The following DGKB variants were observed in gnomAD, a reference collection of about 807,000 sequenced individuals.
The protein encoded by DGKB is 90 kDa diacylglycerol kinase.
Under a neutral mutation model 114.3 loss-of-function variants are expected in DGKB, and 67 were observed. The observed-to-expected ratio is 0.59, with a 90% CI of 0.48 to 0.72. The LOEUF (loss-of-function observed/expected upper bound fraction) is 0.72, where lower values mean the gene tolerates loss of function less well. Among genes scored for constraint, DGKB ranks in the 30% least tolerant of loss-of-function variants. The pLI, the probability that DGKB is intolerant of heterozygous loss-of-function variation, is 0.00. For synonymous variants in DGKB, 398 were observed against 323.1 expected, an observed-to-expected ratio of 1.23 and a Z score of -2.49; for missense variants, 907 against 975.2, an observed-to-expected ratio of 0.93 and a Z score of 0.93.
chr7:14,869,007 T>C (rs1164465257), intron 1 of DGKB, among the ~76,000 whole-genome samples: 1 of 152,162 alleles, frequency 6.6e-6, no homozygotes, highest in African/African-American at 2.4e-5. Flanking sequence ...GAGGTAAAGA[T>C]AGAACATTTT....
Position 14,561,105 on chromosome 7 carries a change from T to C in DGKB, c.1770+13107A>G, listed in dbSNP as rs1366654516. The stretch of plus-strand genomic sequence containing the variant: ...AATTTTAATAATCCCCACATGTCAT[T>C]GGAGGGACCCAGTGGAAGGTAACTG... On this transcript the variant is annotated intron_variant, in intron 20 of 25. Transcript: ENST00000402815. Among the ~76,000 whole-genome samples, 3 of 152,150 alleles carry C rather than the reference T, an allele frequency of 2.0e-5. No homozygotes were observed. The South Asian group carries it at 6.2e-4, about 31-fold the overall frequency.
At chr7:14,643,572 T>C (rs1812268097) in intron 13 of DGKB, among the ~76,000 whole-genome samples, 1 of 152,110 alleles carries the variant, frequency 6.6e-6, no homozygotes, top group Non-Finnish European at 1.5e-5. Context: ...GGTACAACTG[T>C]GTTCCCAGCA....
chr7:14,649,930 C>T (rs2128895536), intron 13 of DGKB, among the ~76,000 whole-genome samples: 1 of 144,358 alleles, frequency 6.9e-6, no homozygotes, highest in East Asian at 2.0e-4. Context: ...GGGATCAATT[C>T]AACTAGAAGA....
At chr7:14,904,259 T>G (rs1783538589), upstream of DGKB, among the ~76,000 whole-genome samples, 1 of 152,046 alleles carries the variant, frequency 6.6e-6, no homozygotes, top group African/African-American at 2.4e-5. Context: ...GAATAGTACT[T>G]TTAATCCACT....
chr7:14,574,036 C>T (rs995735601), intron 20 of DGKB, among the ~76,000 whole-genome samples, 176 bp downstream of exon 20: 8 of 151,622 alleles, frequency 5.3e-5, no homozygotes, highest in Non-Finnish European at 1.0e-4. Flanking sequence ...AATTGGTAAG[C>T]GATGATAATA....
At chr7:14,710,937 T>C (rs1328113655) in intron 6 of DGKB, among the ~76,000 whole-genome samples, 1 of 152,066 alleles carries the variant, frequency 6.6e-6, no homozygotes, top group Non-Finnish European at 1.5e-5. Context: ...GCTTGTTATC[T>C]GGAAAAATAT....
chr7:14,743,475 C>T (rs1349285767), intron 4 of DGKB, among the ~76,000 whole-genome samples: 1 of 152,138 alleles, frequency 6.6e-6, no homozygotes, highest in Non-Finnish European at 1.5e-5. Flanking sequence ...TAACAGGCTT[C>T]CCCAAATCAA....
intron 2 of DGKB, among the ~76,000 whole-genome samples, chr7:14,807,453 T>C (rs1005477968): frequency 4.0e-4 from 61 of 152,126 alleles, no homozygotes; most frequent in African/African-American, 1.3e-3. Flanking sequence ...CAGCTCAATA[T>C]ATTAAGTTGG....
chr7:14,781,055 C>T (rs746180047), intron 2 of DGKB, among the ~76,000 whole-genome samples: 2 of 152,144 alleles, frequency 1.3e-5, no homozygotes, highest in African/African-American at 2.4e-5. Flanking sequence ...CTTGATTAAA[C>T]ATTCCAACTT....
chr7:14,793,148 T>C (rs1298384248), intron 2 of DGKB, among the ~76,000 whole-genome samples: 1 of 152,130 alleles, frequency 6.6e-6, no homozygotes, highest in Non-Finnish European at 1.5e-5. Flanking sequence ...CTTAGAATGC[T>C]TAATGGGTTT....
intron 1 of DGKB, among the ~76,000 whole-genome samples, chr7:14,902,163 A>G (rs577964796): frequency 6.6e-6 from 1 of 152,194 alleles, no homozygotes; most frequent in South Asian, 2.1e-4. Context: ...TTGCTTGTTT[A>G]GTTCACAGAT....
intron 23 of DGKB, among the ~76,000 whole-genome samples, chr7:14,319,555 C>A (rs936260093): frequency 1.3e-5 from 2 of 152,004 alleles, no homozygotes; most frequent in African/African-American, 4.8e-5. Context: ...CTCACATAAG[C>A]AAAAGTTCTT....
intron 1 of DGKB, among the ~76,000 whole-genome samples, chr7:14,853,851 G>A (rs1849730994): frequency 2.6e-5 from 3 of 116,828 alleles, no homozygotes; most frequent in Admixed American, 1.3e-4. Context: ...CTGGGCGACA[G>A]ACCGAGACTC....
At chr7:14,393,003 T>TTTGTTTTTTTTTTTTTTTTTC (rs1821623916) in intron 21 of DGKB, among the ~76,000 whole-genome samples, 1 of 83,824 alleles carries the variant, frequency 1.2e-5, no homozygotes. Flanking sequence ...TTGTTTTTTT[T>TTTGTTTTTTTTTTTTTTTTTC]TTTTTGAGAC....
At chr7:14,670,385 C>A (rs1462276275) in intron 13 of DGKB, among the ~76,000 whole-genome samples, 1 of 151,792 alleles carries the variant, frequency 6.6e-6, no homozygotes, top group African/African-American at 2.4e-5. Context: ...TCACTGCAAC[C>A]TCCGCCTCCA....
chr7:14,162,152 T>C (rs1028113367), intron 25 of DGKB, among the ~76,000 whole-genome samples: 8 of 152,160 alleles, frequency 5.3e-5, no homozygotes, highest in Non-Finnish European at 8.8e-5. Flanking sequence ...AGAAAATTAA[T>C]AGTTAGAAAA....
At chr7:14,233,017 AC>A (rs1792154083) in intron 23 of DGKB, among the ~76,000 whole-genome samples, 4 of 152,206 alleles carry the variant, frequency 2.6e-5, no homozygotes, top group Middle Eastern at 3.4e-3. Flanking sequence ...TGTTTTTGCT[AC>A]ACAAAGACTA....
Position 14,698,170 on chromosome 7 carries a change from C to G in DGKB, c.517-1G>C. 6.6e-7 allele frequency: 1 copy of G among 1,511,086 alleles called. No homozygotes were observed. Among genetic ancestry groups the G allele is most frequent in the Non-Finnish European group, 8.9e-7 (1 of 1,127,828 alleles). 93.6% of individuals were successfully genotyped at this position (1,511,086 alleles called of 1,614,324 possible). ...TCTGACTGATGATATTTTCTAGCTC[C>G]TGGAAGAGAAAGAGAGATAAAAAAT... On this transcript the variant is annotated splice_acceptor_variant, in intron 7 of 25. Transcript: ENST00000402815. LOFTEE classifies it high-confidence loss of function.
intron 25 of DGKB, among the ~76,000 whole-genome samples, chr7:14,150,055 G>A (rs546779128): frequency 6.6e-6 from 1 of 152,172 alleles, no homozygotes; most frequent in East Asian, 1.9e-4. Context: ...AATTATCAAA[G>A]TGGCATTTTG....
Sources: gnomAD v4.1 joint callset for allele counts (sites outside exome capture counted in the v4.1 genomes callset) on GRCh38, gnomAD v4.1.1 for gene constraint, MANE v1.5 for transcripts, NCBI Gene and HGNC (gene_info 2026-07-23, HGNC 2026-07-21) for gene names.